The following PDE1C variants were observed in gnomAD, a reference collection of about 807,000 sequenced individuals.
PDE1C encodes phosphodiesterase 1C.
A neutral mutation model predicts 93.1 loss-of-function variants in PDE1C; 62 were observed. The observed-to-expected ratio is 0.67, with a 90% CI of 0.54 to 0.82. PDE1C has a LOEUF of 0.82. Among genes scored for constraint, PDE1C ranks in the 40% least tolerant of loss-of-function variants. The probability of loss-of-function intolerance (pLI) is 0.00; values close to 1 mark genes in which losing one functional copy is unlikely to be tolerated. For missense variants in PDE1C, 742 were observed against 884.6 expected (o/e 0.84, Z 2.04); for synonymous variants, 325 against 310.1 (o/e 1.05, Z -0.50).
chr7:32,169,997 C>T (rs1584895625), intron 2 of PDE1C: 3 of 1,554,680 alleles, frequency 1.9e-6, no homozygotes, highest in African/African-American at 1.4e-5. Flanking sequence ...GAATCATCCA[C>T]CAGTTGACTC....
chr7:31,780,578 G>C (rs556203084), intron 16 of PDE1C, among the ~76,000 whole-genome samples: 1 of 152,216 alleles, frequency 6.6e-6, no homozygotes, highest in Admixed American at 6.5e-5. Flanking sequence ...TAAAATAAAA[G>C]CAAATGAACA....
chr7:31,880,613 T>G lies in PDE1C; in HGVS notation c.242+134A>C, dbSNP rs1583756499. Reference sequence around the variant, plus strand: ...ACTTGTCCAAATCTATCCTCTTTGTTTGTGGAAACTAAAACTCAAAGATGA... The same window carrying G: ...ACTTGTCCAAATCTATCCTCTTTGTGTGTGGAAACTAAAACTCAAAGATGA... On this transcript the variant is annotated intron_variant, in intron 3 of 17. Coordinates refer to ENST00000396191, the MANE Select transcript of PDE1C (RefSeq NM_001191057.4). 8 of 608,240 alleles carry G rather than the reference T, an allele frequency of 1.3e-5. No individual in the cohort carries two copies. The East Asian group carries it at 2.0e-4, about 15-fold the overall frequency. The allele number at this position is 608,240 out of a possible 1,614,324, so 37.7% of individuals were successfully genotyped here. A position where few individuals can be genotyped will look rare whatever the true frequency, so the allele number is the denominator to read the frequency against.
the PDE1C span, among the ~76,000 whole-genome samples, chr7:31,741,741 G>A: frequency 1.3e-5 from 2 of 152,302 alleles, no homozygotes; most frequent in Non-Finnish European, 2.9e-5. Flanking sequence ...TAGGGATCAG[G>A]AAGAAATGAG....
chr7:32,340,780 C>G (rs1783732463), intron 1 of PDE1C, among the ~76,000 whole-genome samples: 1 of 151,928 alleles, frequency 6.6e-6, no homozygotes, highest in Non-Finnish European at 1.5e-5. Context: ...GTATGACATT[C>G]TAGAAAAGAA....
At chr7:31,632,965 C>A in the PDE1C span, among the ~76,000 whole-genome samples, 45 of 152,168 alleles carry the variant, frequency 3.0e-4, no homozygotes, top group African/African-American at 1.1e-3. Flanking sequence ...TGGCTCACTG[C>A]AACCTCCGAC....
At chr7:31,654,036 T>A in the PDE1C span, among the ~76,000 whole-genome samples, 1 of 134,536 alleles carries the variant, frequency 7.4e-6, no homozygotes, top group Non-Finnish European at 1.6e-5. Flanking sequence ...CAGAAAGAGT[T>A]GGATGAAGAG....
At chr7:31,988,573 A>C (rs1317673924) in intron 2 of PDE1C, among the ~76,000 whole-genome samples, 2 of 152,150 alleles carry the variant, frequency 1.3e-5, no homozygotes, top group African/African-American at 4.8e-5. Flanking sequence ...TTTGGACCTT[A>C]CTGCCTGGTG....
intron 2 of PDE1C, among the ~76,000 whole-genome samples, chr7:31,945,011 A>T (rs139953946): frequency 1.1e-4 from 17 of 152,162 alleles, no homozygotes; most frequent in African/African-American, 4.1e-4. Context: ...ATTTTATATA[A>T]TCTCATTTTA....
At chr7:31,638,911 G>C in the PDE1C span, among the ~76,000 whole-genome samples, 1 of 152,008 alleles carries the variant, frequency 6.6e-6, no homozygotes, top group Non-Finnish European at 1.5e-5. Flanking sequence ...CAAGTAGCTG[G>C]GATTACAGGC....
chr7:31,970,765 C>G (rs1295634069), intron 2 of PDE1C, among the ~76,000 whole-genome samples: 3 of 152,188 alleles, frequency 2.0e-5, no homozygotes, highest in Non-Finnish European at 2.9e-5. Context: ...AGCATTCCCT[C>G]TCTGCTAAGG....
intron 14 of PDE1C, among the ~76,000 whole-genome samples, chr7:31,819,640 C>G (rs1477240772): frequency 6.6e-6 from 1 of 152,014 alleles, no homozygotes; most frequent in Admixed American, 6.6e-5. Context: ...TAGAGCAGAG[C>G]CCTCGAGATC....
intron 2 of PDE1C, among the ~76,000 whole-genome samples, chr7:31,917,920 C>T (rs1018271506): frequency 6.6e-6 from 1 of 152,066 alleles, no homozygotes; most frequent in African/African-American, 2.4e-5. Context: ...CTGATTTAAG[C>T]CCTATGGAAA....
chr7:31,762,511 T>G (rs1478000897), intron 17 of PDE1C, among the ~76,000 whole-genome samples: 1 of 152,084 alleles, frequency 6.6e-6, no homozygotes, highest in Non-Finnish European at 1.5e-5. Context: ...AGATAATTTT[T>G]GTATTTTTAG....
chr7:31,620,388 GC>G, the PDE1C span, among the ~76,000 whole-genome samples: 1 of 151,778 alleles, frequency 6.6e-6, no homozygotes, highest in Non-Finnish European at 1.5e-5. Flanking sequence ...ACCTCACACG[GC>G]CGGGTACTCC....
At chr7:32,127,533 T>G (rs926653162) in intron 3 of PDE1C, among the ~76,000 whole-genome samples, 1 of 152,072 alleles carries the variant, frequency 6.6e-6, no homozygotes, top group Non-Finnish European at 1.5e-5. Context: ...GCTATGATTT[T>G]CTACCAGCAA....
chr7:31,843,427 C>G (rs1792164790), intron 9 of PDE1C, among the ~76,000 whole-genome samples: 1 of 151,886 alleles, frequency 6.6e-6, no homozygotes, highest in African/African-American at 2.4e-5. Flanking sequence ...TGATGACACT[C>G]TTATTATCAG....
the PDE1C span, chr7:31,651,946 G>A: frequency 1.3e-6 from 2 of 1,592,608 alleles, no homozygotes; most frequent in African/African-American, 2.7e-5. Context: ...CAGGGAGGAG[G>A]CCGAGCAACT....
the PDE1C span, among the ~76,000 whole-genome samples, chr7:31,739,542 A>C: frequency 6.6e-6 from 1 of 152,168 alleles, no homozygotes; most frequent in African/African-American, 2.4e-5. Flanking sequence ...GGCTGCTAGG[A>C]TATGCACTTA....
intron 17 of PDE1C, among the ~76,000 whole-genome samples, chr7:31,765,259 A>G (rs1795069942): frequency 6.6e-6 from 1 of 152,150 alleles, no homozygotes; most frequent in African/African-American, 2.4e-5. Context: ...TCATGATTTA[A>G]TGCTAAGGAT....
Sources: gnomAD v4.1 joint callset for allele counts (sites outside exome capture counted in the v4.1 genomes callset) on GRCh38, gnomAD v4.1.1 for gene constraint, MANE v1.5 for transcripts, NCBI Gene and HGNC (gene_info 2026-07-23, HGNC 2026-07-21) for gene names.